Variants in MDN1 observed in about 807,000 individuals in gnomAD.
MDN1 encodes midasin AAA ATPase 1.
In MDN1, 266 loss-of-function variants were observed where a neutral mutation model predicts 669.2. The ratio of observed to expected loss-of-function variants is 0.40; its 90% confidence interval spans 0.36 to 0.44. The LOEUF (loss-of-function observed/expected upper bound fraction) is 0.44, where lower values mean the gene tolerates loss of function less well. Ranked by LOEUF, MDN1 falls within the 20% of genes least tolerant of loss-of-function variation. MDN1 has a pLI of 1.00. For missense variants in MDN1, 5,940 were observed against 6,754.0 expected (o/e 0.88, Z 4.22); for synonymous variants, 2,385 against 2,457.1 (o/e 0.97, Z 0.87).
chr6:89,734,853 A>C (rs1202902002), intron 33 of MDN1, among the ~76,000 whole-genome samples: 14 of 151,696 alleles, frequency 9.2e-5, no homozygotes, highest in African/African-American at 3.4e-4. Context: ...CCACTTTTAG[A>C]ATATAACACA....
At position 89,648,308 on chromosome 6, in the gene MDN1, C is replaced by T. The variant is rs1808614759; in HGVS notation, c.16228G>A (p.Val5410Met). The T allele has an allele frequency of 1.2e-6, 2 of 1,614,154 alleles. No individual in the cohort carries two copies. The highest frequency in any genetic ancestry group is 1.7e-6 in the Non-Finnish European group (2 of 1,179,990). ...TKQLAFESLA[V>M]IGNALTLLEV... ...AGGAGGGTTAGAGCATTTCCAATCA[C>T]AGCCAAAGATTCAAATGCAAGCTGT... The change falls in exon 98 of 102, where the codon GTG becomes ATG. Residue 5410 changes from valine (V) to methionine (M), a missense_variant. Around this residue, in one of 5 missense-constraint regions of MDN1, gnomAD observed 2,280 missense variants for 2,576.3 expected, o/e 0.88. Coordinates refer to ENST00000369393, the MANE Select transcript of MDN1 (RefSeq NM_014611.3).
rs370583860 is a variant in MDN1 at position 89,655,926 on chromosome 6, T to A, written c.15328A>T (p.Met5110Leu). 6.2e-7 allele frequency: 1 copy of A among 1,613,954 alleles called. No homozygotes were observed. Among genetic ancestry groups the A allele is most frequent in the African/African-American group, 1.3e-5 (1 of 74,932 alleles). The change falls in exon 92 of 102, where the codon ATG becomes TTG. Residue 5110 changes from methionine to leucine, a missense_variant. Physicochemically the swap from Met to Leu is conservative, Grantham distance 15 (BLOSUM62 2). Transcript: ENST00000369393. The part of the protein sequence containing the change: ...KPGQADNERS[M>L]GDHNERVHKR... ...TGCACACGCTCATTGTGATCACCCATGGAACGTTCATTGTCAGCCTGCCCA... is the reference window on the plus strand; with the variant it reads ...TGCACACGCTCATTGTGATCACCCAAGGAACGTTCATTGTCAGCCTGCCCA...
intron 13 of MDN1, among the ~76,000 whole-genome samples, chr6:89,774,148 T>C (rs924452180): frequency 6.6e-6 from 1 of 152,156 alleles, no homozygotes; most frequent in Non-Finnish European, 1.5e-5. Flanking sequence ...TTTATGGTAA[T>C]TTGTTATGGC....
At chr6:89,763,478 A>G (rs1445789070) in intron 15 of MDN1, among the ~76,000 whole-genome samples, 2 of 152,138 alleles carry the variant, frequency 1.3e-5, no homozygotes, top group Admixed American at 6.5e-5. Context: ...AATTAACTTA[A>G]ATTTGAATAT....
At position 89,819,568 on chromosome 6, in the gene MDN1, G is replaced by A; in HGVS notation, c.40C>T (p.Arg14Trp). 1.2e-6 allele frequency: 2 copies of A among 1,603,496 alleles called. No individual in the cohort carries two copies. The highest frequency in any genetic ancestry group is 1.7e-6 in the Non-Finnish European group (2 of 1,179,938). The change falls in exon 1 of 102, where the codon CGG becomes TGG. Residue 14 changes from arginine to tryptophan, a missense_variant. Arg to Trp is a moderately radical substitution (Grantham distance 101, BLOSUM62 -3). Transcript: ENST00000369393. ...TTCTCGTTCTTGGCTGCGATTAACC[G>A]CAGCGGCGCGGCTGCCACCTCCAGC... The part of the protein sequence containing the change: ...FLLEVAAAPL[R>W]LIAAKNEKSR...
intron 34 of MDN1, among the ~76,000 whole-genome samples, 185 bp downstream of exon 34, chr6:89,732,372 T>C (rs574692633): frequency 3.6e-4 from 55 of 152,226 alleles, no homozygotes; most frequent in African/African-American, 1.3e-3. Flanking sequence ...CTTTGAGAAG[T>C]TGCAGTGTAT....
chr6:89,731,816 T>G (rs1584282918), intron 34 of MDN1, among the ~76,000 whole-genome samples: 1 of 127,802 alleles, frequency 7.8e-6, no homozygotes, highest in Non-Finnish European at 1.6e-5. Flanking sequence ...CCCCCACCTT[T>G]TCCTTTTTCT....
intron 2 of MDN1, among the ~76,000 whole-genome samples, chr6:89,795,848 G>A (rs571798994): frequency 1.3e-5 from 2 of 151,464 alleles, no homozygotes; most frequent in Non-Finnish European, 2.9e-5. Flanking sequence ...CCAGCTATTC[G>A]GGACGTCGAG....
rs755638781 is a variant in MDN1 at position 89,753,529 on chromosome 6, T to G, written c.3058A>C (p.Lys1020Gln). ...ICQHIVPGNV[K>Q]SLLKQPIPEP... ...GAACATACCTGCTTCAGCAGACTCT[T>G]GACATTGCCAGGGACAATGTGTTGA... The change falls in exon 22 of 102, where the codon AAG (lysine) becomes CAG (glutamine). Residue 1020 changes from lysine to glutamine, a missense_variant. Physicochemically the swap from Lys to Gln is moderately conservative, Grantham distance 53 (BLOSUM62 1). This residue lies in a region of MDN1 where 1,203 missense variants were observed against 1,268.9 expected (regional missense o/e 0.95). Coordinates refer to ENST00000369393, the MANE Select transcript of MDN1 (RefSeq NM_014611.3). The G allele has an allele frequency of 1.2e-6, 2 of 1,610,198 alleles. No homozygotes were observed. The highest frequency in any genetic ancestry group is 2.7e-5 in the African/African-American group (2 of 74,864).
intron 92 of MDN1, 110 bp from the exon 93 acceptor site, chr6:89,654,444 C>A (rs1211802553): frequency 2.2e-6 from 3 of 1,388,040 alleles, no homozygotes; most frequent in Non-Finnish European, 3.0e-6. Context: ...GCTAGTGATG[C>A]AAGTTGTGCC....
Position 89,674,575 on chromosome 6 carries a change from C to A in MDN1, c.12776G>T (p.Cys4259Phe). The A allele has an allele frequency of 6.4e-7, 1 of 1,572,468 alleles. No individual in the cohort carries two copies. Among genetic ancestry groups the A allele is most frequent in the Non-Finnish European group, 8.6e-7 (1 of 1,165,132 alleles). The part of the protein sequence containing the change: ...QWIILRNLLS[C>F]VQEIHSRLMG... Reference sequence around the variant, plus strand: ...CAGCCTGCTGTGAATCTCTTGCACACAGCTGAGGAGGTTCCTGTACAGAGA... The same window carrying A: ...CAGCCTGCTGTGAATCTCTTGCACAAAGCTGAGGAGGTTCCTGTACAGAGA... Residue 4259 changes from cysteine to phenylalanine, a missense_variant, in exon 79 of 102, where the codon TGT becomes TTT. Coordinates refer to ENST00000369393, the MANE Select transcript of MDN1 (RefSeq NM_014611.3).
rs774001953 is a variant in MDN1 at position 89,680,690 on chromosome 6, C to T, written c.12164G>A (p.Arg4055His). The T allele has an allele frequency of 2.7e-5, 44 of 1,614,034 alleles. No homozygotes were observed. Among genetic ancestry groups the T allele is most frequent in the Admixed American group, 1.0e-4 (6 of 60,006 alleles). Residue 4055 changes from arginine to histidine, a missense_variant, in exon 74 of 102, where the codon CGT becomes CAT. By Grantham distance (29) the Arg-to-His change is conservative (BLOSUM62 0). Transcript: ENST00000369393. ...GCGTTTCCTGAGCTTTGGCAAGCGA[C>T]GCAGAAGCTCCCCTTCCAAGCCGGA... Reference protein sequence around the residue: ...APSGLEGELLRRLPKLRKRMR... With the variant: ...APSGLEGELLHRLPKLRKRMR...
intron 94 of MDN1, among the ~76,000 whole-genome samples, chr6:89,652,563 A>G (rs2128298850): frequency 6.6e-6 from 1 of 152,394 alleles, no homozygotes; most frequent in Non-Finnish European, 1.5e-5. Flanking sequence ...AATAATGAAA[A>G]TGTTATCTGA....
chr6:89,694,649 TC>T (rs1363327023), intron 61 of MDN1, among the ~76,000 whole-genome samples: 3 of 151,716 alleles, frequency 2.0e-5, no homozygotes, highest in African/African-American at 7.3e-5. Context: ...GCTCAAGTGA[TC>T]CTCCTGCTTC....
intron 92 of MDN1, among the ~76,000 whole-genome samples, chr6:89,655,287 C>T (rs1348255614): frequency 1.3e-5 from 2 of 152,068 alleles, no homozygotes; most frequent in Admixed American, 1.3e-4. Context: ...GACATTTTTC[C>T]TCCCTTTTGC....
rs968672577 is a variant in MDN1 at position 89,642,841 on chromosome 6, T to TA, written c.*1163dup. 1.3e-5 allele frequency: 2 copies of TA among 152,216 alleles called. No homozygotes were observed. The highest frequency in any genetic ancestry group is 2.4e-5 in the African/African-American group (1 of 41,458). The allele number at this position is 152,216 out of a possible 1,614,324, so 9.4% of individuals were successfully genotyped here. On this transcript the variant is annotated 3_prime_UTR_variant, in exon 102 of 102. Transcript: ENST00000369393. ...ATATAAGCTGCATAGCTTTTTAGAA[T>TA]AAAAAATGATATAACTTCAGGTACA...
chr6:89,714,558 G>A lies in MDN1; in HGVS notation c.7054C>T (p.Arg2352Trp), dbSNP rs560727063. Residue 2352 changes from arginine to tryptophan, a missense_variant, in exon 46 of 102, where the codon CGG becomes TGG. Around this residue, in one of 5 missense-constraint regions of MDN1, gnomAD observed 2,292 missense variants for 2,638.3 expected, o/e 0.87. Transcript: ENST00000369393. Reference protein sequence around the residue: ...DILLALHTETRSTVVGSPTSS... With the variant: ...DILLALHTETWSTVVGSPTSS... ...AGCACCTCACCTACAACAGTGCTCC[G>A]GGTCTCTGTGTGTAAAGCCAAGAGG... 1.4e-5 allele frequency: 23 copies of A among 1,608,828 alleles called. No homozygotes were observed. The highest frequency in any genetic ancestry group is 1.5e-5 in the Non-Finnish European group (18 of 1,177,336).
In MDN1 at chr6:89,684,951, A is replaced by G. The variant is rs1025285341; in HGVS notation, c.11754T>C (p.His3918=). 12 of 1,613,658 alleles carry G rather than the reference A, an allele frequency of 7.4e-6. No homozygotes were observed. Among genetic ancestry groups the G allele is most frequent in the Non-Finnish European group, 1.0e-5 (12 of 1,179,558 alleles). Residue 3918 remains histidine (H), a synonymous_variant, in exon 71 of 102, where the codon CAT becomes CAC. Transcript: ENST00000369393. The stretch of plus-strand genomic sequence containing the variant: ...CCCGGTCAAAGAATTGCTTGTAATA[A>G]TGGTACAAATTCCATAGAACACTGC... The part of the protein sequence containing the change: ...SLCSVLWNLY[H]YYKQFFDRVQ...
At chr6:89,727,764 A>G in intron 37 of MDN1, 69 bp downstream of exon 37, 1 of 1,609,820 alleles carries the variant, frequency 6.2e-7, no homozygotes, top group South Asian at 1.1e-5. Flanking sequence ...TGTGAAATGG[A>G]GCTGTGAAAG....
Sources: gnomAD v4.1 joint callset for allele counts (sites outside exome capture counted in the v4.1 genomes callset) on GRCh38, gnomAD v4.1.1 for gene constraint, gnomAD v4.1.1 regional missense constraint, MANE v1.5 for transcripts, NCBI Gene and HGNC (gene_info 2026-07-23, HGNC 2026-07-21) for gene names.